FARS2: variants seen among roughly 807,000 people sequenced by gnomAD.
The protein encoded by FARS2 is phenylalanyl-tRNA synthetase 2, mitochondrial.
In FARS2, 40 loss-of-function variants were observed where a neutral mutation model predicts 46.4. The ratio of observed to expected loss-of-function variants is 0.86; its 90% CI spans 0.67 to 1.12. The LOEUF (loss-of-function observed/expected upper bound fraction) is 1.12. FARS2 is among the 50% of genes most tolerant of loss of function. FARS2 has a pLI of 0.00. For synonymous variants in FARS2, 234 were observed against 214.9 expected, an observed-to-expected ratio of 1.09 and a Z score of -0.78; for missense variants, 513 against 567.9, an observed-to-expected ratio of 0.90 and a Z score of 0.98.
intron 6 of FARS2, among the ~76,000 whole-genome samples, chr6:5,645,866 A>C (rs553718605): frequency 1.3e-5 from 2 of 152,290 alleles, no homozygotes; most frequent in African/African-American, 4.8e-5. Flanking sequence ...TCAACAAAGA[A>C]CCTTTTCAGT....
rs531039661 is a variant in FARS2 at position 5,449,244 on chromosome 6, G to A, written c.904+18072G>A. Among the ~76,000 whole-genome samples the A allele has an allele frequency of 2.0e-3, 310 of 151,774 alleles. 2 individuals carry two copies. The highest frequency in any genetic ancestry group is 7.1e-3 in the African/African-American group (294 of 41,374). ...GGCACCTGTAATACCAGCTACTCGGGAGGCTGAGGCAGGAGAATCGCTTGA... is the reference window on the plus strand; with the variant it reads ...GGCACCTGTAATACCAGCTACTCGGAAGGCTGAGGCAGGAGAATCGCTTGA... On this transcript the variant is annotated intron_variant, in intron 4 of 6. Coordinates refer to ENST00000274680, the MANE Select transcript of FARS2 (RefSeq NM_006567.5).
chr6:5,682,098 C>T (rs1035741150), intron 6 of FARS2, among the ~76,000 whole-genome samples: 3 of 152,166 alleles, frequency 2.0e-5, no homozygotes, highest in Non-Finnish European at 4.4e-5. Context: ...CTTTTAGTAA[C>T]TGAATGCCCA....
Position 5,576,634 on chromosome 6 carries a change from C to CATATATTATATGTATG in FARS2, c.1065+31300_1065+31301insTATATGTATGATATAT, listed in dbSNP as rs75665515. Among the ~76,000 whole-genome samples, 735 of 145,768 alleles carry CATATATTATATGTATG rather than the reference C, an allele frequency of 5.0e-3. 5 individuals are homozygous for CATATATTATATGTATG. The highest frequency in any genetic ancestry group is 0.017 in the African/African-American group (679 of 39,974). On this transcript the variant is annotated intron_variant, in intron 5 of 6. Coordinates refer to ENST00000274680, the MANE Select transcript of FARS2 (RefSeq NM_006567.5). ...ATATAAAGTATATATCATATATTAA[C>CATATATTATATGTATG]ATATATATATATCCTATTAGTTCTG...
rs138140955 is a variant in FARS2 at position 5,740,279 on chromosome 6, G to C, written c.1218-31012G>C. 3.1e-3 allele frequency among the ~76,000 whole-genome samples: 474 copies of C among 152,294 alleles called. 3 individuals carry two copies. Among genetic ancestry groups the C allele is most frequent in the African/African-American group, 0.011 (455 of 41,562 alleles). ...GGCATGATAAAATACACACGAGAAA[G>C]TTTCAGCTGTTGCTTAAAAGTAAGG... is the stretch of plus-strand genomic sequence containing the variant. On this transcript the variant is annotated intron_variant, in intron 6 of 6. Coordinates refer to ENST00000274680, the MANE Select transcript of FARS2 (RefSeq NM_006567.5).
intron 5 of FARS2, among the ~76,000 whole-genome samples, chr6:5,547,374 T>TC (rs1320662966): frequency 3.3e-5 from 5 of 151,188 alleles, no homozygotes; most frequent in Non-Finnish European, 7.4e-5. Context: ...GCTTCACTTG[T>TC]CTTTTTGTTT....
rs183968817 is a variant in FARS2 at position 5,348,076 on chromosome 6, A to G, written c.-21-20474A>G. Among the ~76,000 whole-genome samples, 166 of 152,262 alleles carry G rather than the reference A, an allele frequency of 1.1e-3. 2 individuals are homozygous for G. Among genetic ancestry groups the G allele is most frequent in the African/African-American group, 2.6e-3 (110 of 41,550 alleles). ...AGTTGTAGGAATTCTTCATATATCC[A>G]GCTGTCAGTTTGTGTCATATTCTTT... On this transcript the variant is annotated intron_variant, in intron 1 of 6. Transcript: ENST00000274680.
chr6:5,563,416 C>T (rs988813551), intron 5 of FARS2, among the ~76,000 whole-genome samples: 1 of 152,158 alleles, frequency 6.6e-6, no homozygotes, highest in Admixed American at 6.5e-5. Context: ...ATTTGCATAT[C>T]AAAGGTTACT....
intron 2 of FARS2, among the ~76,000 whole-genome samples, chr6:5,397,803 C>T (rs1175445173): frequency 8.4e-5 from 9 of 107,636 alleles, no homozygotes; most frequent in Admixed American, 6.2e-4. Flanking sequence ...ACTCAGTCTT[C>T]CTTTGTTTAT....
intron 4 of FARS2, among the ~76,000 whole-genome samples, chr6:5,537,402 C>T (rs544025842): frequency 1.4e-4 from 21 of 152,086 alleles, no homozygotes; most frequent in African/African-American, 4.1e-4. Context: ...CACAGAGCTG[C>T]GCTCCTGTTG....
At chr6:5,752,835 A>G (rs1293499399) in intron 6 of FARS2, among the ~76,000 whole-genome samples, 1 of 151,750 alleles carries the variant, frequency 6.6e-6, no homozygotes, top group African/African-American at 2.4e-5. Context: ...CATCATAGGA[A>G]CCCAAACCTC....
At chr6:5,331,396 C>T (rs1039619918) in intron 1 of FARS2, among the ~76,000 whole-genome samples, 5 of 152,170 alleles carry the variant, frequency 3.3e-5, no homozygotes, top group Non-Finnish European at 7.3e-5. Context: ...GTCCCATGTC[C>T]AGCCTGCCAA....
At chr6:5,721,399 A>G (rs1182734375) in intron 6 of FARS2, among the ~76,000 whole-genome samples, 2 of 152,232 alleles carry the variant, frequency 1.3e-5, no homozygotes, top group East Asian at 3.8e-4. Flanking sequence ...AAAACCGGAA[A>G]AGTAGTAGTT....
At chr6:5,631,542 G>A (rs534558290) in intron 6 of FARS2, among the ~76,000 whole-genome samples, 1 of 152,334 alleles carries the variant, frequency 6.6e-6, no homozygotes, top group South Asian at 2.1e-4. Flanking sequence ...CTTAGAGAAT[G>A]TAGCCAGGGC....
chr6:5,575,594 A>G (rs895711893), intron 5 of FARS2, among the ~76,000 whole-genome samples: 4 of 152,174 alleles, frequency 2.6e-5, no homozygotes, highest in Admixed American at 1.3e-4. Context: ...CCCATATTCA[A>G]ATTTTGTCAG....
intron 1 of FARS2, among the ~76,000 whole-genome samples, chr6:5,348,169 C>T (rs1279871778): frequency 6.6e-6 from 1 of 152,058 alleles, no homozygotes; most frequent in African/African-American, 2.4e-5. Flanking sequence ...TTTTAGTTTT[C>T]AAAAAAATCC....
At chr6:5,381,292 C>T (rs1030670871) in intron 2 of FARS2, among the ~76,000 whole-genome samples, 2 of 151,860 alleles carry the variant, frequency 1.3e-5, no homozygotes, top group Admixed American at 6.6e-5. Flanking sequence ...CCACCGCGCC[C>T]GGCCTATAGC....
At chr6:5,715,131 C>T (rs555038304) in intron 6 of FARS2, among the ~76,000 whole-genome samples, 18 of 152,274 alleles carry the variant, frequency 1.2e-4, no homozygotes, top group Admixed American at 3.3e-4. Context: ...CGTGCACGCC[C>T]ATATTACTAT....
chr6:5,539,380 T>TTTTTG (rs1554106762), intron 4 of FARS2, among the ~76,000 whole-genome samples: 1 of 79,848 alleles, frequency 1.3e-5, no homozygotes, highest in East Asian at 4.1e-4. Flanking sequence ...CTAATTTTTT[T>TTTTTG]TGTGTATATA....
intron 2 of FARS2, among the ~76,000 whole-genome samples, chr6:5,372,890 C>A (rs570577921): frequency 1.3e-5 from 2 of 151,986 alleles, no homozygotes; most frequent in Non-Finnish European, 2.9e-5. Flanking sequence ...ATTAAGTGTT[C>A]AATTTATGAT....
Sources: allele counts gnomAD v4.1 joint callset (sites outside exome capture counted in the v4.1 genomes callset), GRCh38; gene constraint gnomAD v4.1.1; transcripts MANE v1.5; gene names NCBI Gene and HGNC (gene_info 2026-07-23, HGNC 2026-07-21).